Variants in EEF2KMT observed in about 807,000 individuals in gnomAD.
The protein encoded by EEF2KMT is eukaryotic elongation factor 2 lysine methyltransferase.
In EEF2KMT, 30 loss-of-function variants were observed where a neutral mutation model predicts 35.1. The ratio of observed to expected loss-of-function variants is 0.85; its 90% confidence interval spans 0.64 to 1.16. The LOEUF (loss-of-function observed/expected upper bound fraction) is 1.16. Ranked by LOEUF, EEF2KMT falls within the 50% of genes most tolerant of loss-of-function variation. EEF2KMT has a pLI of 0.00. For missense variants in EEF2KMT, 499 were observed against 438.2 expected, an observed-to-expected ratio of 1.14 and a Z score of -1.24; for synonymous variants, 190 against 187.7, an observed-to-expected ratio of 1.01 and a Z score of -0.10.
chr16:5,087,110 A>G (rs1009106363), intron 7 of EEF2KMT: 3 of 152,250 alleles, frequency 2.0e-5, no homozygotes, highest in Non-Finnish European at 4.4e-5. Context: ...TAATGTGTAT[A>G]TCAGGGATGT....
chr16:5,086,842 T>C (rs1957193224), intron 7 of EEF2KMT: 1 of 152,126 alleles, frequency 6.6e-6, no homozygotes, highest in African/African-American at 2.4e-5. Context: ...AATTTTTGTG[T>C]TTTTAGTAGA....
At chr16:5,091,997 G>A in intron 3 of EEF2KMT, 102 bp from the exon 4 acceptor site, 3 of 1,556,010 alleles carry the variant, frequency 1.9e-6, no homozygotes, top group Non-Finnish European at 2.6e-6. Flanking sequence ...CGATGGAATG[G>A]TATAATACCG....
Position 5,090,341 on chromosome 16 carries a change from A to C in EEF2KMT, c.485T>G (p.Leu162Arg), listed in dbSNP as rs768018737. The C allele has an allele frequency of 6.2e-7, 1 of 1,612,064 alleles. No individual in the cohort carries two copies. The highest frequency in any genetic ancestry group is 8.5e-7 in the Non-Finnish European group (1 of 1,179,858). The change falls in exon 6 of 8, where the codon CTA (leucine) becomes CGA (arginine). Residue 162 changes from leucine (L) to arginine (R), a missense_variant. Physicochemically the swap from Leu to Arg is moderately radical, Grantham distance 102 (BLOSUM62 -2). Transcript: ENST00000427587. This position sits in a 1 kb window ranked among gnomAD's most constrained non-coding sequence, Gnocchi z 4.1. ...NPAVFTNRTV[L>R]ELGSGAGLTG... Reference sequence around the variant, plus strand: ...GAGGCCAGCACCACTGCCAAGCTCTAGGACAGTCCTGGCGGGAGGAAAGGG... The same window carrying C: ...GAGGCCAGCACCACTGCCAAGCTCTCGGACAGTCCTGGCGGGAGGAAAGGG...
intron 7 of EEF2KMT, chr16:5,086,846 T>A (rs185462012): frequency 3.3e-5 from 5 of 152,148 alleles, no homozygotes; most frequent in African/African-American, 1.2e-4. Flanking sequence ...TTTGTGTTTT[T>A]AGTAGAGATG....
intron 2 of EEF2KMT, among the ~76,000 whole-genome samples, chr16:5,094,016 C>G (rs1416973288): frequency 6.6e-6 from 1 of 152,212 alleles, no homozygotes; most frequent in Admixed American, 6.5e-5. Context: ...CCCAGAGAAG[C>G]CAAATGCAGG....
Position 5,091,794 on chromosome 16 carries a change from C to T in EEF2KMT, c.342G>A (p.Leu114=), listed in dbSNP as rs1320634932. Residue 114 remains leucine, a splice_region_variant and synonymous_variant, in exon 4 of 8, where the codon CTG becomes CTA. Transcript: ENST00000427587. ...GGGGAGGAGGGTGCCCTTCTCATAC[C>T]AGCAAATAGCTCCGGTGGCCCTGGG... The part of the protein sequence containing the change: ...ESTQGHRSYL[L]PSGGSVTLSE... 1.2e-6 allele frequency: 2 copies of T among 1,611,556 alleles called. No individual in the cohort carries two copies. The highest frequency in any genetic ancestry group is 1.7e-6 in the Non-Finnish European group (2 of 1,179,708).
chr16:5,089,344 C>A, intron 6 of EEF2KMT, 88 bp from the exon 7 acceptor site: 1 of 1,552,710 alleles, frequency 6.4e-7, no homozygotes, highest in Non-Finnish European at 8.7e-7. Context: ...GCCAGAGAGG[C>A]AGCGGTCATA....
chr16:5,090,521 G>T lies in EEF2KMT; in HGVS notation c.387C>A (p.Ile129=), dbSNP rs1957320703. 1 of 1,612,030 alleles carries T rather than the reference G, an allele frequency of 6.2e-7. No individual in the cohort carries two copies. Among genetic ancestry groups the T allele is most frequent in the Non-Finnish European group, 8.5e-7 (1 of 1,179,844 alleles). The change falls in exon 5 of 8, where the codon ATC becomes ATA. Residue 129 remains isoleucine (I), a synonymous_variant. Transcript: ENST00000427587. The surrounding 1 kb of genome is among the most constrained non-coding windows in gnomAD (Gnocchi z 4.1). The part of the protein sequence containing the change: ...SVTLSESTAI[I]SYGTTGLVTW... The stretch of plus-strand genomic sequence containing the variant: ...TGACCAGGCCTGTGGTACCGTAGGA[G>T]ATGATGGCCGTGCTCTCGGAGAGTG...
chr16:5,086,310 G>C (rs1957163583), intron 7 of EEF2KMT, among the ~76,000 whole-genome samples: 2 of 139,486 alleles, frequency 1.4e-5, no homozygotes. Context: ...ACTCCAGCCT[G>C]AGTGACAGGG....
rs1436225170 is a variant in EEF2KMT at position 5,085,295 on chromosome 16, TG to T, written c.*336del. The T allele has an allele frequency of 2.0e-6, 1 of 491,914 alleles. No individual in the cohort carries two copies. Among genetic ancestry groups the T allele is most frequent in the Admixed American group, 3.4e-5 (1 of 29,718 alleles). The allele number at this position is 491,914 out of a possible 1,614,324, so 30.5% of individuals were successfully genotyped here. On this transcript the variant is annotated 3_prime_UTR_variant, in exon 8 of 8. Coordinates refer to ENST00000427587, the MANE Select transcript of EEF2KMT (RefSeq NM_201400.4). ...AGGGATGTGGCAGCTGCAGTGGGCTTGGCTTTGTGAGGAACTGAGTGTGTCC... is the reference window on the plus strand; with the variant it reads ...AGGGATGTGGCAGCTGCAGTGGGCTTGCTTTGTGAGGAACTGAGTGTGTCC...
intron 1 of EEF2KMT, among the ~76,000 whole-genome samples, chr16:5,096,123 C>T (rs1957458776): frequency 6.6e-6 from 1 of 152,134 alleles, no homozygotes; most frequent in African/African-American, 2.4e-5. Flanking sequence ...TCCTCAACCA[C>T]AGCTGGCTTG....
intron 7 of EEF2KMT, among the ~76,000 whole-genome samples, chr16:5,087,800 C>CA (rs34399333): frequency 0.19 from 13,812 of 73,104 alleles, 1,360 homozygotes; most frequent in African/African-American, 0.26. Flanking sequence ...GACTCTGTCT[C>CA]AAAAAAAAAA....
intron 7 of EEF2KMT, 47 bp from the exon 8 acceptor site, chr16:5,085,779 G>C (rs773216565): frequency 2.1e-6 from 3 of 1,406,176 alleles, no homozygotes; most frequent in Non-Finnish European, 3.0e-6. Context: ...TTTGGGGACA[G>C]GACATGAGGG....
rs1337718249 is a variant in EEF2KMT, at chr16:5,085,212, C to T, written c.*420G>A. 1.6e-5 allele frequency: 9 copies of T among 546,432 alleles called. No individual in the cohort carries two copies. The highest frequency in any genetic ancestry group is 6.3e-5 in the South Asian group (3 of 47,782). 33.8% of individuals were successfully genotyped at this position (546,432 alleles called of 1,614,324 possible). A position where few individuals can be genotyped will look rare whatever the true frequency, so the allele number is the denominator to read the frequency against. On this transcript the variant is annotated 3_prime_UTR_variant, in exon 8 of 8. Coordinates refer to ENST00000427587, the MANE Select transcript of EEF2KMT (RefSeq NM_201400.4). Reference sequence around the variant, plus strand: ...TGGTCTCCAGGTGTCCCCTTTCTGCCGTGTTCCTAACATTTTGATTCCTGT... The same window carrying T: ...TGGTCTCCAGGTGTCCCCTTTCTGCTGTGTTCCTAACATTTTGATTCCTGT...
chr16:5,091,375 C>T (rs1408395081), intron 4 of EEF2KMT, among the ~76,000 whole-genome samples: 2 of 152,164 alleles, frequency 1.3e-5, no homozygotes, highest in Non-Finnish European at 2.9e-5. Flanking sequence ...AGCCACCACG[C>T]CCGGCCTGAT....
rs1436718563 is a variant in EEF2KMT at position 5,090,550 on chromosome 16, C to T, written c.358G>A (p.Val120Ile). The change falls in exon 5 of 8, where the codon GTC (valine) becomes ATC (isoleucine). Residue 120 changes from valine (V) to isoleucine (I), a missense_variant. Physicochemically the swap from Val to Ile is conservative, Grantham distance 29 (BLOSUM62 3). Coordinates refer to ENST00000427587, the MANE Select transcript of EEF2KMT (RefSeq NM_201400.4). The surrounding 1 kb of genome is among the most constrained non-coding windows in gnomAD (Gnocchi z 4.1). Reference protein sequence around the residue: ...RSYLLPSGGSVTLSESTAIIS... With the variant: ...RSYLLPSGGSITLSESTAIIS... The stretch of plus-strand genomic sequence containing the variant: ...ATGGCCGTGCTCTCGGAGAGTGTGA[C>T]CGAGCCTCCCGAGGGCTGCACCAAG... 3 of 1,611,840 alleles carry T rather than the reference C, an allele frequency of 1.9e-6. No individual in the cohort carries two copies. Among genetic ancestry groups the T allele is most frequent in the African/African-American group, 1.3e-5 (1 of 74,826 alleles).
Position 5,085,028 on chromosome 16 carries a change from G to C in EEF2KMT, c.*604C>G. On this transcript the variant is annotated 3_prime_UTR_variant, in exon 8 of 8. Coordinates refer to ENST00000427587, the MANE Select transcript of EEF2KMT (RefSeq NM_201400.4). Reference sequence around the variant, plus strand: ...AGTGGTACTGCCTGGTAAAAGAATTGGTTCTGTGACCCGGGAAGCTTTGGT... The same window carrying C: ...AGTGGTACTGCCTGGTAAAAGAATTCGTTCTGTGACCCGGGAAGCTTTGGT... The C allele has an allele frequency of 6.9e-7, 1 of 1,448,262 alleles. No homozygotes were observed. The highest frequency in any genetic ancestry group is 1.4e-5 in the African/African-American group (1 of 71,494). 89.7% of individuals were successfully genotyped at this position (1,448,262 alleles called of 1,614,324 possible).
At chr16:5,087,861 GTTTTTTTCACTTAAAATATATTGCAGGT>G (rs1425816267) in intron 7 of EEF2KMT, among the ~76,000 whole-genome samples, 3 of 145,440 alleles carry the variant, frequency 2.1e-5, no homozygotes, top group East Asian at 4.1e-4. Flanking sequence ...GCTTGGCACT[GTTTTTTTCACTTAAAATATATTGCAGGT>G]TTTTTTTCAC....
chr16:5,096,988 A>G (rs1181114708), intron 1 of EEF2KMT, among the ~76,000 whole-genome samples: 2 of 152,218 alleles, frequency 1.3e-5, no homozygotes, highest in Non-Finnish European at 2.9e-5. Context: ...AGGAATATAT[A>G]TCCAAACTCA....
Sources: allele counts gnomAD v4.1 joint callset (sites outside exome capture counted in the v4.1 genomes callset), GRCh38; gene constraint gnomAD v4.1.1; non-coding constraint Gnocchi (gnomAD v3.1); transcripts MANE v1.5; gene names NCBI Gene and HGNC (gene_info 2026-07-23, HGNC 2026-07-21).